The following AFF1 variants were observed in gnomAD, a reference collection of about 807,000 sequenced individuals.
AFF1 encodes ALF transcription elongation factor 1.
In AFF1, 48 loss-of-function variants were observed where a neutral mutation model predicts 121.7. That is an observed-to-expected ratio of 0.39 (90% CI 0.31 to 0.50). The LOEUF (loss-of-function observed/expected upper bound fraction) is 0.50. AFF1 is among the 20% of genes least tolerant of loss of function. The pLI, the probability that AFF1 is intolerant of heterozygous loss-of-function variation, is 0.76. For synonymous variants in AFF1, 613 were observed against 563.0 expected, an observed-to-expected ratio of 1.09 and a Z score of -1.26; for missense variants, 1,523 against 1,511.7, an observed-to-expected ratio of 1.01 and a Z score of -0.12.
chr4:87,063,078 T>C (rs999450865), intron 4 of AFF1, among the ~76,000 whole-genome samples: 4 of 152,124 alleles, frequency 2.6e-5, no homozygotes, highest in African/African-American at 9.7e-5. Context: ...CAGTTCTTTG[T>C]AAGGAGATAG....
chr4:87,036,914 C>T, intron 2 of AFF1: 1 of 399,002 alleles, frequency 2.5e-6, no homozygotes, highest in Non-Finnish European at 4.9e-6. Context: ...TCGCTGTAAC[C>T]TCTGCCTCTC....
intron 4 of AFF1, among the ~76,000 whole-genome samples, chr4:87,081,152 ATTTTTTTTTT>A (rs549510832): frequency 3.7e-4 from 33 of 89,718 alleles, no homozygotes; most frequent in Middle Eastern, 6.3e-3. Context: ...AATGAAATGA[ATTTTTTTTTT>A]TTTTTTTTTT....
At chr4:87,046,315 C>T (rs936779371) in intron 3 of AFF1, 29 bp downstream of exon 3, 1 of 1,603,310 alleles carries the variant, frequency 6.2e-7, no homozygotes, top group African/African-American at 1.4e-5. Context: ...ACATTGAAGT[C>T]CTGATTTATC....
intron 4 of AFF1, among the ~76,000 whole-genome samples, chr4:87,050,293 C>T (rs1208001763): frequency 2.6e-5 from 4 of 152,088 alleles, no homozygotes; most frequent in Non-Finnish European, 5.9e-5. Context: ...TAAGGCAAGT[C>T]AGAGGAAATT....
intron 2 of AFF1, among the ~76,000 whole-genome samples, chr4:87,004,478 G>C (rs1725945479): frequency 6.6e-6 from 1 of 152,042 alleles, no homozygotes. Context: ...AAATTATTGA[G>C]AAAGAATGGC....
intron 14 of AFF1, 46 bp downstream of exon 14, chr4:87,126,382 T>C (rs923566509): frequency 6.4e-7 from 1 of 1,552,448 alleles, no homozygotes; most frequent in Non-Finnish European, 8.9e-7. Context: ...TGCATTGCTG[T>C]ACCTTTACGT....
chr4:87,007,177 G>A (rs1726222865), intron 2 of AFF1: 1 of 1,363,362 alleles, frequency 7.3e-7, no homozygotes, highest in East Asian at 2.9e-5. Flanking sequence ...TCGCCGCAGA[G>A]GCCCCAGTGC....
intron 2 of AFF1, among the ~76,000 whole-genome samples, chr4:86,969,879 C>CATAAAAAAAAAAAAAAAA (rs1722813915): frequency 1.6e-5 from 1 of 63,610 alleles, no homozygotes; most frequent in South Asian, 8.8e-4. Context: ...GACTCCGTCT[C>CATAAAAAAAAAAAAAAAA]AAAAAAAAAA....
At chr4:86,945,975 A>T (rs1394612213) in intron 1 of AFF1, among the ~76,000 whole-genome samples, 1 of 152,202 alleles carries the variant, frequency 6.6e-6, no homozygotes. Context: ...TAAACAAAAA[A>T]TTGGCTCACA....
chr4:87,083,986 G>A, intron 4 of AFF1, 134 bp from the exon 5 acceptor site: 3 of 765,376 alleles, frequency 3.9e-6, no homozygotes, highest in Non-Finnish European at 6.6e-6. Context: ...GGCTTCAAAT[G>A]TAAAGTTCTT....
intron 4 of AFF1, among the ~76,000 whole-genome samples, chr4:87,066,785 C>T (rs1721393580): frequency 6.6e-6 from 1 of 152,178 alleles, no homozygotes. Context: ...GAAGGTTTAT[C>T]AGCACTTTCC....
intron 2 of AFF1, among the ~76,000 whole-genome samples, chr4:87,042,894 A>G (rs563500509): frequency 6.6e-6 from 1 of 152,342 alleles, no homozygotes; most frequent in Admixed American, 6.5e-5. Flanking sequence ...ATCTGGAAGT[A>G]TGGGAGAAAC....
Position 87,140,261 on chromosome 4 carries a change from CT to C in AFF1, c.*4563del, listed in dbSNP as rs1349747674. 13 of 194,500 alleles carry C rather than the reference CT, an allele frequency of 6.7e-5. No individual in the cohort carries two copies. The highest frequency in any genetic ancestry group is 2.8e-4 in the African/African-American group (12 of 43,128). 12.0% of individuals were successfully genotyped at this position (194,500 alleles called of 1,614,324 possible). On this transcript the variant is annotated 3_prime_UTR_variant, in exon 21 of 21. Coordinates refer to ENST00000395146, the MANE Select transcript of AFF1 (RefSeq NM_001166693.3). ...AATGCTTAACACAGGCAGCATTCAC[CT>C]TTGTTCAGGCCATCGACATGTATTG...
At chr4:86,942,463 A>G (rs1720533323) in intron 1 of AFF1, among the ~76,000 whole-genome samples, 1 of 152,244 alleles carries the variant, frequency 6.6e-6, no homozygotes, top group Non-Finnish European at 1.5e-5. Context: ...ATGAAAAAAT[A>G]GAAGTGTGGC....
At chr4:87,086,949 A>T (rs547267966) in intron 5 of AFF1, among the ~76,000 whole-genome samples, 1 of 152,326 alleles carries the variant, frequency 6.6e-6, no homozygotes, top group Non-Finnish European at 1.5e-5. Context: ...GTGGTGGCCC[A>T]TAACTCCAGC....
intron 5 of AFF1, among the ~76,000 whole-genome samples, chr4:87,086,377 A>T (rs890242212): frequency 5.9e-5 from 9 of 152,202 alleles, no homozygotes; most frequent in African/African-American, 2.2e-4. Flanking sequence ...GTGGTATTAC[A>T]GCACCAGACA....
rs1730819070 is a variant in AFF1 at position 87,047,411 on chromosome 4, A to T, written c.876A>T (p.Ala292=). 1 of 1,614,124 alleles carries T rather than the reference A, an allele frequency of 6.2e-7. No homozygotes were observed. Among genetic ancestry groups the T allele is most frequent in the Non-Finnish European group, 8.5e-7 (1 of 1,180,026 alleles). Residue 292 remains alanine, a synonymous_variant, in exon 4 of 21, where the codon GCA becomes GCT. Coordinates refer to ENST00000395146, the MANE Select transcript of AFF1 (RefSeq NM_001166693.3). The part of the protein sequence containing the change: ...PPPSLPSKSV[A]MQQKPTAYVR... ...CCTCCCTCCCCTCAAAAAGTGTTGC[A>T]ATGCAGCAGAAGCCCACGGCTTATG...
At chr4:86,937,104 A>G (rs1720064092) in intron 1 of AFF1, among the ~76,000 whole-genome samples, 1 of 152,226 alleles carries the variant, frequency 6.6e-6, no homozygotes, top group South Asian at 2.1e-4. Flanking sequence ...TGAGACTTGC[A>G]GGTATGTTGC....
At chr4:87,078,671 G>A (rs140019663) in intron 4 of AFF1, among the ~76,000 whole-genome samples, 71 of 152,314 alleles carry the variant, frequency 4.7e-4, no homozygotes, top group African/African-American at 1.7e-3. Flanking sequence ...GGCAAGAAAA[G>A]TGTGACTTAT....
Sources: gnomAD v4.1 joint callset for allele counts (sites outside exome capture counted in the v4.1 genomes callset) on GRCh38, gnomAD v4.1.1 for gene constraint, MANE v1.5 for transcripts, NCBI Gene and HGNC (gene_info 2026-07-23, HGNC 2026-07-21) for gene names.